EML5: variants seen among roughly 807,000 people sequenced by gnomAD.
EML5 encodes echinoderm microtubule-associated protein-like 5.
Under a neutral mutation model 250.0 loss-of-function variants are expected in EML5, and 120 were observed. The observed-to-expected ratio is 0.48, with a 90% confidence interval of 0.41 to 0.56. The LOEUF is 0.56. Among genes scored for constraint, EML5 ranks in the 20% least tolerant of loss-of-function variants. The pLI, the probability that EML5 is intolerant of heterozygous loss-of-function variation, is 0.00. For synonymous variants in EML5, 771 were observed against 806.5 expected (o/e 0.96, Z 0.75); for missense variants, 2,006 against 2,437.6 (o/e 0.82, Z 3.73).
At chr14:88,641,771 G>A (rs1463502271) in intron 31 of EML5, among the ~76,000 whole-genome samples, 5 of 152,034 alleles carry the variant, frequency 3.3e-5, no homozygotes, top group African/African-American at 1.2e-4. Context: ...ACTAAAGCAG[G>A]TGGCCTAGTC....
chr14:88,664,275 C>CAAAAA (rs35920066), intron 23 of EML5, among the ~76,000 whole-genome samples: 1 of 105,694 alleles, frequency 9.5e-6, no homozygotes, highest in Non-Finnish European at 2.1e-5. Flanking sequence ...AGACCTGTCT[C>CAAAAA]AAAAAAAAAA....
In EML5 at chr14:88,620,946, A is replaced by AG. The variant is rs1224659865; in HGVS notation, c.5203-21_5203-20insC. ...CATCTTCTGCATTTAAAAAAAAAAAAAAAAAGAGTCATAGGAAACATTAAG... is the reference window on the plus strand; with the variant it reads ...CATCTTCTGCATTTAAAAAAAAAAAAGAAAAAGAGTCATAGGAAACATTAAG... On this transcript the variant is annotated intron_variant, in intron 38 of 43. Coordinates refer to ENST00000554922, the MANE Select transcript of EML5 (RefSeq NM_183387.3). The surrounding 1 kb of genome is among the most constrained non-coding windows in gnomAD (Gnocchi z 4.3). 1 of 1,490,908 alleles carries AG rather than the reference A, an allele frequency of 6.7e-7. No homozygotes were observed. Among genetic ancestry groups the AG allele is most frequent in the Non-Finnish European group, 8.9e-7 (1 of 1,125,756 alleles). 92.4% of individuals were successfully genotyped at this position (1,490,908 alleles called of 1,614,324 possible).
chr14:88,658,243 C>T lies in EML5; in HGVS notation c.3821G>A (p.Arg1274Gln), dbSNP rs375105242. The T allele has an allele frequency of 5.1e-5, 82 of 1,613,598 alleles. No homozygotes were observed. Among genetic ancestry groups the T allele is most frequent in the South Asian group, 3.4e-4 (31 of 91,082 alleles). ...TTCACTATCACAAGGCCTTTTTTCT[C>T]GATAGCCTTCCATCTCATTTGTCCA... ...MVWTNEMEGY[R>Q]EKRPCDSEES... Residue 1274 changes from arginine to glutamine, a missense_variant, in exon 26 of 44, where the codon CGA becomes CAA. This residue lies in a region of EML5 where 1,375 missense variants were observed against 1,590.3 expected (regional missense o/e 0.86). Transcript: ENST00000554922.
At chr14:88,729,910 AC>A (rs2077429287) in intron 7 of EML5, among the ~76,000 whole-genome samples, 1 of 148,222 alleles carries the variant, frequency 6.7e-6, no homozygotes, top group African/African-American at 2.5e-5. Context: ...TCTATGGCTT[AC>A]ATACTGTCTT....
intron 7 of EML5, among the ~76,000 whole-genome samples, chr14:88,729,778 C>A (rs142692427): frequency 6.6e-6 from 1 of 151,906 alleles, no homozygotes; most frequent in Non-Finnish European, 1.5e-5. Flanking sequence ...CCAGGCTGGT[C>A]TTGAACTCTT....
intron 1 of EML5, among the ~76,000 whole-genome samples, chr14:88,766,280 G>A (rs2094318991): frequency 6.6e-6 from 1 of 152,206 alleles, no homozygotes; most frequent in Non-Finnish European, 1.5e-5. Context: ...CTGCCTGAGA[G>A]CTGGGCGGAA....
intron 4 of EML5, among the ~76,000 whole-genome samples, chr14:88,742,764 T>G (rs2093942351): frequency 6.6e-6 from 1 of 152,052 alleles, no homozygotes; most frequent in Non-Finnish European, 1.5e-5. Context: ...GTATTAAATA[T>G]TTGTCAAAAA....
rs184739050 is a variant in EML5, at chr14:88,676,940, T to C, written c.3124+4950A>G. ...TTTTTTCTGAGACAGAGTCTTGCTC[T>C]GTCTCCCAGACTGACGTGCAGTGGC... On this transcript the variant is annotated intron_variant, in intron 21 of 43. Transcript: ENST00000554922. Among the ~76,000 whole-genome samples the C allele has an allele frequency of 1.3e-3, 192 of 152,354 alleles. 1 individual carries two copies. The highest frequency in any genetic ancestry group is 1.8e-3 in the Non-Finnish European group (124 of 68,040).
In EML5 at chr14:88,685,122, G is replaced by T. The variant is rs1398133126; in HGVS notation, c.2875C>A (p.Pro959Thr). The change falls in exon 20 of 44, where the codon CCA becomes ACA. Residue 959 changes from proline (P) to threonine (T), a missense_variant. Coordinates refer to ENST00000554922, the MANE Select transcript of EML5 (RefSeq NM_183387.3). ...CCTAATGATATGGCACGTATAGATG[G>T]ATTATCTTCCAAGAGAAGACCTGAA... Reference protein sequence around the residue: ...GSKGLLLEDNPSIRAISLGHG... With the variant: ...GSKGLLLEDNTSIRAISLGHG... 6.3e-7 allele frequency: 1 copy of T among 1,595,670 alleles called. No individual in the cohort carries two copies. The highest frequency in any genetic ancestry group is 1.1e-5 in the South Asian group (1 of 87,092).
rs758148053 is a variant in EML5, at chr14:88,636,418, T to A, written c.4337-1929A>T. On this transcript the variant is annotated intron_variant, in intron 32 of 43. Coordinates refer to ENST00000554922, the MANE Select transcript of EML5 (RefSeq NM_183387.3). Reference sequence around the variant, plus strand: ...TGGCTCATGCCTGTAATCCCAGCACTTTGGGAAGCCAAGGCGGGCAGATAA... The same window carrying A: ...TGGCTCATGCCTGTAATCCCAGCACATTGGGAAGCCAAGGCGGGCAGATAA... Among the ~76,000 whole-genome samples the A allele has an allele frequency of 2.6e-5, 4 of 152,262 alleles. No individual in the cohort carries two copies. In the South Asian group the frequency reaches 6.2e-4, roughly 24 times the overall value.
chr14:88,760,087 C>A (rs1190161758), intron 1 of EML5, among the ~76,000 whole-genome samples: 2 of 152,176 alleles, frequency 1.3e-5, no homozygotes, highest in African/African-American at 4.8e-5. Context: ...CTTTGTCCTA[C>A]ATGGGACTTG....
rs2140219367 is a variant in EML5, at chr14:88,615,864, GAGA to G, written c.5898-13_5898-11del. 2 of 1,610,018 alleles carry G rather than the reference GAGA, an allele frequency of 1.2e-6. No homozygotes were observed. Among genetic ancestry groups the G allele is most frequent in the African/African-American group, 1.3e-5 (1 of 75,020 alleles). On this transcript the variant is annotated splice_polypyrimidine_tract_variant and intron_variant, in intron 43 of 43. Transcript: ENST00000554922. ...TTTCCAGACAAATAAGCTGCAATCA[GAGA>G]AGAAAATTGCAGGGAGTTAATTATG...
Position 88,615,805 on chromosome 14 carries a change from AT to A in EML5, c.*12del, listed in dbSNP as rs2087512330. The A allele has an allele frequency of 6.2e-7, 1 of 1,609,598 alleles. No homozygotes were observed. The highest frequency in any genetic ancestry group is 1.3e-5 in the African/African-American group (1 of 75,014). On this transcript the variant is annotated 3_prime_UTR_variant, in exon 44 of 44. Transcript: ENST00000554922. ...GGTCTCAAAGTTAATTTCTGTAGTC[AT>A]CTCAGCATCTCTCAGTGAGGTGTAT... is the stretch of plus-strand genomic sequence containing the variant.
chr14:88,658,398 A>T lies in EML5; in HGVS notation c.3676-10T>A. 1 of 1,568,186 alleles carries T rather than the reference A, an allele frequency of 6.4e-7. No individual in the cohort carries two copies. Among genetic ancestry groups the T allele is most frequent in the Non-Finnish European group, 8.7e-7 (1 of 1,153,512 alleles). ...ACTTTCCAAATTTCCCCTAAAGAGG[A>T]AGAAAATTCAAACAATCTTTCTGAG... is the stretch of plus-strand genomic sequence containing the variant. On this transcript the variant is annotated splice_polypyrimidine_tract_variant and intron_variant, in intron 25 of 43. Coordinates refer to ENST00000554922, the MANE Select transcript of EML5 (RefSeq NM_183387.3).
rs981485063 is a variant in EML5, at chr14:88,686,320, T to G, written c.2854+896A>C. Among the ~76,000 whole-genome samples the G allele has an allele frequency of 2.6e-5, 4 of 151,906 alleles. 1 individual carries two copies. Among genetic ancestry groups the G allele is most frequent in the African/African-American group, 9.7e-5 (4 of 41,326 alleles). ...ATGCACTCAAAGACGAGTTAACGGG[T>G]GCAGCACACCAACATGGCACATGTA... On this transcript the variant is annotated intron_variant, in intron 19 of 43. Transcript: ENST00000554922.
At chr14:88,759,870 C>T (rs185219631) in intron 1 of EML5, among the ~76,000 whole-genome samples, 1 of 152,220 alleles carries the variant, frequency 6.6e-6, no homozygotes, top group East Asian at 1.9e-4. Flanking sequence ...GTTACACTCT[C>T]ACCAGCAATG....
chr14:88,618,967 T>C (rs944217592), intron 39 of EML5, 155 bp from the exon 40 acceptor site: 8 of 572,582 alleles, frequency 1.4e-5, no homozygotes, highest in South Asian at 4.3e-5. Context: ...TATACTGAGA[T>C]TGTCTGGGTT....
chr14:88,643,158 TACAAA>T, intron 30 of EML5, 136 bp from the exon 31 acceptor site: 1 of 851,056 alleles, frequency 1.2e-6, no homozygotes, highest in Non-Finnish European at 1.7e-6. Flanking sequence ...AAACTTAATA[TACAAA>T]ATTAAGCTAC....
intron 33 of EML5, 47 bp downstream of exon 33, chr14:88,634,422 A>G (rs1446519895): frequency 1.5e-6 from 2 of 1,336,510 alleles, no homozygotes; most frequent in Non-Finnish European, 2.0e-6. Context: ...ATGCACTATC[A>G]TTACCAAACA....
Sources: allele counts gnomAD v4.1 joint callset (sites outside exome capture counted in the v4.1 genomes callset), GRCh38; gene constraint gnomAD v4.1.1; regional missense constraint gnomAD v4.1.1; non-coding constraint Gnocchi (gnomAD v3.1); transcripts MANE v1.5; gene names NCBI Gene and HGNC (gene_info 2026-07-23, HGNC 2026-07-21).